Variants in FLT3 observed in about 807,000 individuals in gnomAD.
FLT3 encodes fms related receptor tyrosine kinase 3.
In FLT3, 46 loss-of-function variants were observed where a neutral mutation model predicts 126.6. The observed-to-expected ratio is 0.36, with a 90% CI of 0.29 to 0.46. The LOEUF is 0.46. Among genes scored for constraint, FLT3 ranks in the 20% least tolerant of loss-of-function variants. The pLI is 1.00. For synonymous variants in FLT3, 404 were observed against 434.4 expected, an observed-to-expected ratio of 0.93 and a Z score of 0.87; for missense variants, 1,069 against 1,190.3, an observed-to-expected ratio of 0.90 and a Z score of 1.50.
chr13:28,049,255 T>G (rs1566082477), intron 8 of FLT3, 129 bp downstream of exon 8: 3 of 904,346 alleles, frequency 3.3e-6, no homozygotes, highest in Non-Finnish European at 5.1e-6. Context: ...AAAGCTATTC[T>G]AACTCAGTTT....
chr13:28,075,973 T>G (rs2137800351), intron 1 of FLT3, among the ~76,000 whole-genome samples: 1 of 152,018 alleles, frequency 6.6e-6, no homozygotes, highest in South Asian at 2.1e-4. Flanking sequence ...TTTTTTGTAT[T>G]TTTAGTAGAA....
chr13:28,043,377 T>G (rs1423796552), intron 9 of FLT3, among the ~76,000 whole-genome samples: 2 of 152,160 alleles, frequency 1.3e-5, no homozygotes, highest in East Asian at 3.9e-4. Flanking sequence ...CTAGTAAACT[T>G]TGGCGTAATA....
At chr13:28,091,165 C>G (rs1354809846) in intron 1 of FLT3, among the ~76,000 whole-genome samples, 1 of 135,816 alleles carries the variant, frequency 7.4e-6, no homozygotes, top group Non-Finnish European at 1.5e-5. Flanking sequence ...GCTTTGAAAA[C>G]TGAATTTGAG....
chr13:28,026,399 C>A (rs1872809073), intron 17 of FLT3, among the ~76,000 whole-genome samples: 2 of 150,902 alleles, frequency 1.3e-5, no homozygotes, highest in Non-Finnish European at 2.9e-5. Flanking sequence ...TCAACGAATG[C>A]CTCCATCAGA....
chr13:28,066,208 T>C (rs968951130), intron 2 of FLT3, among the ~76,000 whole-genome samples: 13 of 152,336 alleles, frequency 8.5e-5, no homozygotes, highest in African/African-American at 2.9e-4. Context: ...ACACAAATAC[T>C]GTCCTTTAGT....
chr13:28,052,343 A>G (rs547075539), intron 5 of FLT3, among the ~76,000 whole-genome samples: 1 of 149,292 alleles, frequency 6.7e-6, no homozygotes, highest in Non-Finnish European at 1.5e-5. Flanking sequence ...TGATCTGTCC[A>G]CCTTGGCCTC....
chr13:28,049,210 C>T (rs1335124211), intron 8 of FLT3, among the ~76,000 whole-genome samples, 174 bp downstream of exon 8: 5 of 152,144 alleles, frequency 3.3e-5, no homozygotes, highest in Non-Finnish European at 7.4e-5. Context: ...CCTGGTTTAA[C>T]GGGAAAAGGA....
At chr13:28,091,583 T>C (rs1364422704) in intron 1 of FLT3, among the ~76,000 whole-genome samples, 2 of 152,086 alleles carry the variant, frequency 1.3e-5, no homozygotes, top group East Asian at 3.9e-4. Context: ...TTTCATTCTC[T>C]GAACTCATTC....
At chr13:28,052,402 T>C (rs1875590498) in intron 5 of FLT3, 143 bp downstream of exon 5, 2 of 773,886 alleles carry the variant, frequency 2.6e-6, no homozygotes, top group Admixed American at 5.4e-5. Flanking sequence ...GGCCCTATAC[T>C]GGCCATTTTT....
chr13:28,061,819 A>G, intron 3 of FLT3, 48 bp downstream of exon 3: 3 of 1,484,946 alleles, frequency 2.0e-6, no homozygotes, highest in Non-Finnish European at 2.8e-6. Context: ...TTGAAACAAA[A>G]TTCCAAATGA....
chr13:28,049,470 A>T lies in FLT3; in HGVS notation c.950T>A (p.Val317Glu), dbSNP rs779097862. ...RTMIRILFAF[V>E]SSVARNDTGY... ...GGTGTCGTTTCTTGCCACTGATGATACAAAAGCAAACAGAATCCGTATCAT... is the reference window on the plus strand; with the variant it reads ...GGTGTCGTTTCTTGCCACTGATGATTCAAAAGCAAACAGAATCCGTATCAT... Residue 317 changes from valine (V) to glutamate (E), a missense_variant, in exon 8 of 24, where the codon GTA becomes GAA. Transcript: ENST00000241453. The T allele has an allele frequency of 1.2e-5, 19 of 1,613,882 alleles. No homozygotes were observed. The highest frequency in any genetic ancestry group is 5.0e-5 in the Admixed American group (3 of 60,008).
chr13:28,031,553 T>C (rs1873349628), intron 15 of FLT3, among the ~76,000 whole-genome samples: 1 of 152,152 alleles, frequency 6.6e-6, no homozygotes, highest in African/African-American at 2.4e-5. Flanking sequence ...GGTGATGGAT[T>C]CTACGGGGGA....
intron 23 of FLT3, among the ~76,000 whole-genome samples, chr13:28,011,677 T>TTCCTTCCTTCCC (rs1566055017): frequency 2.7e-5 from 4 of 145,992 alleles, no homozygotes; most frequent in Admixed American, 2.1e-4. Flanking sequence ...CCTTCCTTCC[T>TTCCTTCCTTCCC]TCCCTCCTCC....
At chr13:28,031,434 C>T (rs1186532299) in intron 15 of FLT3, among the ~76,000 whole-genome samples, 2 of 151,800 alleles carry the variant, frequency 1.3e-5, no homozygotes, top group African/African-American at 4.8e-5. Context: ...GGGCAAAGGT[C>T]GAGAAAGGAG....
chr13:28,048,205 T>C (rs1377475563), intron 9 of FLT3, 70 bp downstream of exon 9: 1 of 1,248,588 alleles, frequency 8.0e-7, no homozygotes, highest in African/African-American at 1.5e-5. Context: ...TATAAAACTG[T>C]CCTTCTCAAG....
chr13:28,066,638 T>C (rs1195708906), intron 2 of FLT3, among the ~76,000 whole-genome samples: 2 of 152,108 alleles, frequency 1.3e-5, no homozygotes, highest in East Asian at 3.8e-4. Context: ...TAAATATTCA[T>C]GGGCCTCTAC....
intron 1 of FLT3, among the ~76,000 whole-genome samples, chr13:28,077,166 A>G (rs1878007535): frequency 6.6e-6 from 1 of 152,282 alleles, no homozygotes; most frequent in East Asian, 1.9e-4. Context: ...AGAGAGTTTT[A>G]TTTGGCTCAC....
rs1419686132 is a variant in FLT3 at position 28,005,345 on chromosome 13, G to A, written c.2860-1171C>T. ...CTCCATCTCAAAAAAAAGAAAAAAG[G>A]CTACAAGTCATGACAAGTACCCGCC... On this transcript the variant is annotated intron_variant, in intron 23 of 23. Coordinates refer to ENST00000241453, the MANE Select transcript of FLT3 (RefSeq NM_004119.3). Among the ~76,000 whole-genome samples the A allele has an allele frequency of 3.3e-5, 5 of 151,964 alleles. No homozygotes were observed. The East Asian group carries it at 9.7e-4, about 29-fold the overall frequency.
rs765418650 is a variant in FLT3 at position 28,070,598 on chromosome 13, T to C, written c.58A>G (p.Met20Val). ...TGATTTGTAATAGTCCCAAATATCATTGCAGAAAAAACAACTGTAAAACAA... is the reference window on the plus strand; with the variant it reads ...TGATTTGTAATAGTCCCAAATATCACTGCAGAAAAAACAACTGTAAAACAA... Reference protein sequence around the residue: ...QLPLLVVFSAMIFGTITNQDL... With the variant: ...QLPLLVVFSAVIFGTITNQDL... Residue 20 changes from methionine (M) to valine (V), a missense_variant, in exon 2 of 24, where the codon ATG becomes GTG. Transcript: ENST00000241453. 48 of 1,602,502 alleles carry C rather than the reference T, an allele frequency of 3.0e-5. No homozygotes were observed. The South Asian group carries it at 4.1e-4, about 14-fold the overall frequency.
Sources: allele counts gnomAD v4.1 joint callset (sites outside exome capture counted in the v4.1 genomes callset), GRCh38; gene constraint gnomAD v4.1.1; transcripts MANE v1.5; gene names NCBI Gene and HGNC (gene_info 2026-07-23, HGNC 2026-07-21).